MBTD1: variants seen among roughly 807,000 people sequenced by gnomAD.
MBTD1 encodes mbt domain containing 1, also known as MBT domain-containing protein 1.
A neutral mutation model predicts 87.8 loss-of-function variants in MBTD1; 24 were observed. The observed-to-expected ratio is 0.27, with a 90% confidence interval of 0.20 to 0.38. MBTD1 has a LOEUF of 0.38. MBTD1 is among the 10% of genes least tolerant of loss of function. The pLI is 1.00. For missense variants in MBTD1, 436 were observed against 760.2 expected (o/e 0.57, Z 5.02); for synonymous variants, 237 against 248.6 (o/e 0.95, Z 0.44).
At chr17:51,182,761 T>C (rs1324912388) in intron 16 of MBTD1, among the ~76,000 whole-genome samples, 3 of 152,218 alleles carry the variant, frequency 2.0e-5, no homozygotes, top group East Asian at 3.8e-4. Context: ...GATACACATA[T>C]ATGGGGTGTA....
intron 6 of MBTD1, among the ~76,000 whole-genome samples, chr17:51,214,535 A>G (rs761623795): frequency 6.6e-6 from 1 of 152,182 alleles, no homozygotes; most frequent in Admixed American, 6.5e-5. Context: ...TGGAAAACAG[A>G]AAGTATTTAT....
chr17:51,192,661 G>A, intron 15 of MBTD1, 121 bp downstream of exon 15: 2 of 1,514,372 alleles, frequency 1.3e-6, no homozygotes, highest in East Asian at 4.5e-5. Context: ...GTCTTACCTG[G>A]CAACCAATCA....
chr17:51,247,725 C>T (rs1436106178), intron 2 of MBTD1, among the ~76,000 whole-genome samples: 1 of 152,194 alleles, frequency 6.6e-6, no homozygotes, highest in East Asian at 1.9e-4. Context: ...GCTGGGATTA[C>T]AGGCGTGAGC....
At position 51,232,733 on chromosome 17, in the gene MBTD1, T is replaced by C. The variant is rs552209428; in HGVS notation, c.-48-7524A>G. 2.0e-5 allele frequency among the ~76,000 whole-genome samples: 3 copies of C among 152,222 alleles called. No individual in the cohort carries two copies. In the South Asian group the frequency reaches 6.2e-4, roughly 32 times the overall value. ...TGAATTAGATACTGGCTAAGAATTC[T>C]GCAGAAATGAGAACATGAATTAGGC... On this transcript the variant is annotated intron_variant, in intron 2 of 16. Transcript: ENST00000586178.
chr17:51,185,379 GA>G (rs1193009995), intron 16 of MBTD1: 2 of 152,210 alleles, frequency 1.3e-5, no homozygotes, highest in African/African-American at 4.8e-5. Flanking sequence ...TTGTTCTTAG[GA>G]ATTACAAAGG....
In MBTD1 at chr17:51,179,506, A is replaced by ATATTTATATT. The variant is rs1555673774; in HGVS notation, c.*1069_*1070insAATATAAATA. The ATATTTATATT allele has an allele frequency of 3.0e-4, 25 of 82,314 alleles. 1 individual carries two copies. The highest frequency in any genetic ancestry group is 1.1e-3 in the African/African-American group (23 of 21,606). 5.1% of individuals were successfully genotyped at this position (82,314 alleles called of 1,614,324 possible). A position where few individuals can be genotyped will look rare whatever the true frequency, so the allele number is the denominator to read the frequency against. On this transcript the variant is annotated 3_prime_UTR_variant, in exon 17 of 17. Coordinates refer to ENST00000586178, the MANE Select transcript of MBTD1 (RefSeq NM_017643.3). Reference sequence around the variant, plus strand: ...ATTTTATATATATATATATATATATATATATATATATATATATATATATAT... The same window carrying ATATTTATATT: ...ATTTTATATATATATATATATATATATATTTATATTTATATATATATATATATATATATAT...
chr17:51,225,719 G>A (rs1015806816), intron 2 of MBTD1, among the ~76,000 whole-genome samples: 4 of 151,682 alleles, frequency 2.6e-5, no homozygotes, highest in Admixed American at 6.6e-5. Context: ...AGTGTGCCTC[G>A]CCCAGATTTC....
At chr17:51,203,082 T>G (rs1185584148) in intron 9 of MBTD1, 58 bp downstream of exon 9, 10 of 1,391,764 alleles carry the variant, frequency 7.2e-6, no homozygotes, top group Non-Finnish European at 1.0e-5. Flanking sequence ...CTTAAAAATG[T>G]TCTCTGTTAC....
chr17:51,236,286 C>T (rs778012386), intron 2 of MBTD1, among the ~76,000 whole-genome samples: 8 of 152,118 alleles, frequency 5.3e-5, no homozygotes, highest in Non-Finnish European at 1.2e-4. Flanking sequence ...CACCCTGTTG[C>T]CCAGGCTGGA....
upstream of MBTD1, chr17:51,260,713 C>T (rs1424580874): frequency 4.4e-6 from 7 of 1,600,624 alleles, no homozygotes; most frequent in Non-Finnish European, 6.0e-6. Context: ...AAAAGCCTGC[C>T]CCTTCATCCC....
intron 5 of MBTD1, among the ~76,000 whole-genome samples, chr17:51,218,448 G>A (rs925579959): frequency 2.1e-5 from 3 of 144,516 alleles, no homozygotes; most frequent in Admixed American, 7.5e-5. Flanking sequence ...AGAATTGTTC[G>A]AACCCATGAG....
chr17:51,192,027 T>A (rs2050842079), intron 16 of MBTD1, 176 bp downstream of exon 16: 3 of 603,364 alleles, frequency 5.0e-6, no homozygotes, highest in Non-Finnish European at 8.8e-6. Flanking sequence ...TAGTAAAATA[T>A]CAGTGTTTCT....
At chr17:51,213,107 G>A (rs1216299193) in intron 6 of MBTD1, among the ~76,000 whole-genome samples, 1 of 152,086 alleles carries the variant, frequency 6.6e-6, no homozygotes, top group Non-Finnish European at 1.5e-5. Flanking sequence ...GGTACGATCA[G>A]GGCTAACTGC....
In MBTD1 at chr17:51,204,028, A is replaced by G. The variant is rs966477536; in HGVS notation, c.605-103T>C. The G allele has an allele frequency of 4.3e-5, 38 of 874,052 alleles. No individual in the cohort carries two copies. The Middle Eastern group carries it at 7.8e-4, about 18-fold the overall frequency. The allele number at this position is 874,052 out of a possible 1,614,324, so 54.1% of individuals were successfully genotyped here. A position where few individuals can be genotyped will look rare whatever the true frequency, so the allele number is the denominator to read the frequency against. The stretch of plus-strand genomic sequence containing the variant: ...CAAACTAGTGTCTATCTGCAATACA[A>G]TCACCTGCAGGGTTTGTTAACAGAC... On this transcript the variant is annotated intron_variant, in intron 7 of 16. Transcript: ENST00000586178.
intron 16 of MBTD1, among the ~76,000 whole-genome samples, chr17:51,190,770 T>TATAA (rs1360538089): frequency 8.9e-6 from 1 of 111,970 alleles, no homozygotes; most frequent in Non-Finnish European, 1.7e-5. Flanking sequence ...TATATATATA[T>TATAA]AACCTTATCT....
At chr17:51,219,935 G>C (rs189282009) in intron 4 of MBTD1, among the ~76,000 whole-genome samples, 2 of 152,240 alleles carry the variant, frequency 1.3e-5, no homozygotes, top group Non-Finnish European at 2.9e-5. Flanking sequence ...TACAAAGCGA[G>C]GACGATGAGA....
intron 2 of MBTD1, 141 bp from the exon 3 acceptor site, chr17:51,225,350 TTCTTTTTTTA>T (rs1373000063): frequency 6.7e-6 from 3 of 446,444 alleles, no homozygotes; most frequent in African/African-American, 2.1e-5. Flanking sequence ...TCTTTTTTTT[TTCTTTTTTTA>T]AAAAATGCTT....
intron 6 of MBTD1, among the ~76,000 whole-genome samples, chr17:51,209,885 G>A (rs2052071567): frequency 6.6e-6 from 1 of 152,074 alleles, no homozygotes; most frequent in Admixed American, 6.5e-5. Context: ...ATTTGGAAGG[G>A]GAGAAAACAT....
upstream of MBTD1, chr17:51,260,559 G>GCCTGCGTTTCTCCTCAAA (rs760724191): frequency 1.9e-6 from 3 of 1,598,784 alleles, no homozygotes; most frequent in Non-Finnish European, 2.6e-6. Flanking sequence ...CCACGTGAGC[G>GCCTGCGTTTCTCCTCAAA]CCTGCGTTTC....
Sources: gnomAD v4.1 joint callset for allele counts (sites outside exome capture counted in the v4.1 genomes callset) on GRCh38, gnomAD v4.1.1 for gene constraint, MANE v1.5 for transcripts, NCBI Gene and HGNC (gene_info 2026-07-23, HGNC 2026-07-21) for gene names.